USP39: variants seen among roughly 807,000 people sequenced by gnomAD.
USP39 encodes the protein ubiquitin specific peptidase 39.
In USP39, 38 loss-of-function variants were observed where a neutral mutation model predicts 66.4. The observed-to-expected ratio is 0.57, with a 90% CI of 0.44 to 0.75. The LOEUF is 0.75. USP39 is among the 30% of genes least tolerant of loss of function. The pLI is 0.00. For missense variants in USP39, 608 were observed against 714.4 expected (o/e 0.85, Z 1.70); for synonymous variants, 303 against 274.6 (o/e 1.10, Z -1.02).
At chr2:85,624,639 A>G (rs1158398863) in intron 4 of USP39, among the ~76,000 whole-genome samples, 1 of 152,210 alleles carries the variant, frequency 6.6e-6, no homozygotes, top group East Asian at 1.9e-4. Flanking sequence ...TAAAAGTTGT[A>G]TAAGCCTATT....
intron 1 of USP39, among the ~76,000 whole-genome samples, chr2:85,617,548 A>G (rs1178832656): frequency 6.6e-6 from 1 of 152,142 alleles, no homozygotes; most frequent in African/African-American, 2.4e-5. Flanking sequence ...CTTATAAAAG[A>G]TTTGGGGCAG....
At chr2:85,643,648 CTTTT>C (rs34391423) in intron 10 of USP39, among the ~76,000 whole-genome samples, 19 of 139,368 alleles carry the variant, frequency 1.4e-4, no homozygotes, top group Non-Finnish European at 1.2e-4. Flanking sequence ...CTCATATCTC[CTTTT>C]TTTTTTTTTT....
intron 1 of USP39, chr2:85,606,562 T>A (rs1251766620): frequency 1.3e-5 from 2 of 152,210 alleles, no homozygotes; most frequent in African/African-American, 2.4e-5. Context: ...GAAGGAAGCT[T>A]AATGCTTAAT....
At chr2:85,646,183 C>T (rs556112397) in intron 11 of USP39, 1 of 152,300 alleles carries the variant, frequency 6.6e-6, no homozygotes, top group East Asian at 1.9e-4. Flanking sequence ...TAGAGGCTCC[C>T]TTTCATCTTA....
chr2:85,629,750 G>T (rs1008970079), intron 5 of USP39, among the ~76,000 whole-genome samples: 1 of 152,060 alleles, frequency 6.6e-6, no homozygotes, highest in African/African-American at 2.4e-5. Flanking sequence ...TCCCACCTTG[G>T]CCTCCCAAAG....
chr2:85,634,897 C>T (rs935409605), intron 6 of USP39, among the ~76,000 whole-genome samples: 5 of 151,998 alleles, frequency 3.3e-5, no homozygotes, highest in Non-Finnish European at 7.4e-5. Flanking sequence ...AAAGTTAGGG[C>T]ATAATTGGGT....
Position 85,620,373 on chromosome 2 carries a change from G to C in USP39, c.338+1084G>C, listed in dbSNP as rs140533489. 5.4e-4 allele frequency among the ~76,000 whole-genome samples: 82 copies of C among 151,898 alleles called. 3 individuals are homozygous for C. The East Asian group carries it at 0.016, about 29-fold the overall frequency. On this transcript the variant is annotated intron_variant, in intron 2 of 12. Coordinates refer to ENST00000323701, the MANE Select transcript of USP39 (RefSeq NM_006590.4). ...GCACTCCTGTAGTCCCAGCTTCTTG[G>C]GGGGCTGAAGCAGGAGGATTGCTTG... is the stretch of plus-strand genomic sequence containing the variant.
chr2:85,635,347 G>A (rs914758604), intron 6 of USP39, among the ~76,000 whole-genome samples: 2 of 152,184 alleles, frequency 1.3e-5, no homozygotes, highest in Non-Finnish European at 2.9e-5. Flanking sequence ...ATCACTTGAG[G>A]TCAAGAGTTC....
chr2:85,638,113 C>A (rs1039966729), intron 8 of USP39, among the ~76,000 whole-genome samples: 9 of 152,108 alleles, frequency 5.9e-5, no homozygotes, highest in Non-Finnish European at 1.5e-5. Flanking sequence ...CCTCCACCTC[C>A]CAGGTTCAAA....
chr2:85,645,165 G>A, intron 11 of USP39, 82 bp downstream of exon 11: 2 of 1,585,340 alleles, frequency 1.3e-6, no homozygotes, highest in South Asian at 1.2e-5. Context: ...GCTCCCTTCA[G>A]TGTGTCCTTG....
intron 5 of USP39, among the ~76,000 whole-genome samples, chr2:85,627,232 G>C (rs943021242): frequency 2.6e-5 from 4 of 151,258 alleles, no homozygotes; most frequent in African/African-American, 9.7e-5. Flanking sequence ...GAGTAGCTGG[G>C]ATTACAGATG....
chr2:85,616,294 T>TCGGGAGCGGGAGC lies in USP39; in HGVS notation c.101_113dup (p.Glu39GlyfsTer5). The TCGGGAGCGGGAGC allele has an allele frequency of 6.4e-7, 1 of 1,566,626 alleles. No individual in the cohort carries two copies. The highest frequency in any genetic ancestry group is 8.7e-7 in the Non-Finnish European group (1 of 1,153,886). ...CCGGTCGCGTCAAGCGGGAGCGAGA[T>TCGGGAGCGGGAGC]CGGGAGCGGGAGCCTGAGGCGGCGA... On this transcript the variant is annotated frameshift_variant, in exon 1 of 13. Transcript: ENST00000323701. LOFTEE classifies it high-confidence loss of function.
intron 4 of USP39, among the ~76,000 whole-genome samples, chr2:85,624,591 G>A (rs550300143): frequency 5.9e-5 from 9 of 152,256 alleles, no homozygotes; most frequent in Non-Finnish European, 1.0e-4. Flanking sequence ...TAAGGAAAAC[G>A]TGGTATTTAG....
At chr2:85,609,876 T>G (rs943329609), upstream of USP39, among the ~76,000 whole-genome samples, 5 of 152,060 alleles carry the variant, frequency 3.3e-5, no homozygotes, top group Admixed American at 3.3e-4. Context: ...AGATGGGGTT[T>G]TACCATGTTG....
chr2:85,608,038 G>A (rs551104597), upstream of USP39: 5 of 152,298 alleles, frequency 3.3e-5, no homozygotes, highest in South Asian at 4.1e-4. Context: ...GTTCAGAACT[G>A]TTAAGTCACA....
chr2:85,625,446 C>G (rs1674781453), intron 4 of USP39, 93 bp from the exon 5 acceptor site: 5 of 1,543,950 alleles, frequency 3.2e-6, no homozygotes, highest in Middle Eastern at 3.5e-4. Flanking sequence ...ATGTTCATGG[C>G]CAAGTGTTTT....
chr2:85,610,903 C>G (rs1252902396), upstream of USP39: 1 of 150,562 alleles, frequency 6.6e-6, no homozygotes, highest in Non-Finnish European at 1.5e-5. Context: ...GGACTACAGG[C>G]GCCCACCACC....
At position 85,645,124 on chromosome 2, in the gene USP39, A is replaced by C. The variant is rs762058862; in HGVS notation, c.1563+41A>C. ...CCGTCTCATGGCACAGAGTGGCAAA[A>C]ACAGGTGTTTCTTTGGCATCTCAGA... On this transcript the variant is annotated intron_variant, in intron 11 of 12. Coordinates refer to ENST00000323701, the MANE Select transcript of USP39 (RefSeq NM_006590.4). 3 of 1,612,790 alleles carry C rather than the reference A, an allele frequency of 1.9e-6. No individual in the cohort carries two copies. The South Asian group carries it at 3.3e-5, about 18-fold the overall frequency.
At chr2:85,634,446 C>T (rs373300624) in intron 6 of USP39, among the ~76,000 whole-genome samples, 4 of 152,084 alleles carry the variant, frequency 2.6e-5, no homozygotes, top group Admixed American at 2.0e-4. Flanking sequence ...TGATGGCACA[C>T]GCCTGTAGTC....
Sources: gnomAD v4.1 joint callset for allele counts (sites outside exome capture counted in the v4.1 genomes callset) on GRCh38, gnomAD v4.1.1 for gene constraint, MANE v1.5 for transcripts, NCBI Gene and HGNC (gene_info 2026-07-23, HGNC 2026-07-21) for gene names.